The following RANBP2 variants were observed in gnomAD, a reference collection of about 807,000 sequenced individuals.
RANBP2 encodes RAN binding protein 2.
RANBP2 carries 57 observed loss-of-function variants against 303.6 expected under a neutral mutation model. The ratio of observed to expected loss-of-function variants is 0.19; its 90% CI spans 0.15 to 0.23. The LOEUF (loss-of-function observed/expected upper bound fraction) is 0.23, where lower values mean the gene tolerates loss of function less well. Ranked by LOEUF, RANBP2 falls within the 10% of genes least tolerant of loss-of-function variation. The probability of loss-of-function intolerance (pLI) is 1.00; values close to 1 mark genes in which losing one functional copy is unlikely to be tolerated. For missense variants in RANBP2, 3,138 were observed against 3,780.8 expected, an observed-to-expected ratio of 0.83 and a Z score of 4.46; for synonymous variants, 1,167 against 1,301.5, an observed-to-expected ratio of 0.90 and a Z score of 2.23.
chr2:108,788,504 T>TC (rs1471835342), downstream of RANBP2, among the ~76,000 whole-genome samples: 2 of 151,316 alleles, frequency 1.3e-5, no homozygotes, highest in African/African-American at 4.9e-5. Flanking sequence ...GATCACGAGG[T>TC]CAGGAGATGG....
the RANBP2 span, among the ~76,000 whole-genome samples, chr2:109,496,233 G>A: frequency 4.4e-4 from 67 of 152,100 alleles, no homozygotes; most frequent in African/African-American, 1.4e-3. Context: ...TGATTGGCGC[G>A]TTTTACAGAG....
At chr2:109,246,264 G>A in the RANBP2 span, among the ~76,000 whole-genome samples, 2 of 152,174 alleles carry the variant, frequency 1.3e-5, no homozygotes, top group African/African-American at 2.4e-5. Context: ...GACGCTGGTC[G>A]TCCAAGATCA....
the RANBP2 span, among the ~76,000 whole-genome samples, chr2:109,511,786 C>G: frequency 5.9e-5 from 9 of 152,172 alleles, no homozygotes; most frequent in Non-Finnish European, 1.0e-4. Flanking sequence ...ATTTTCATGG[C>G]TGCTGCCCCA....
At chr2:109,373,073 G>T in the RANBP2 span, among the ~76,000 whole-genome samples, 1,863 of 152,218 alleles carry the variant, frequency 0.012, 38 homozygotes, top group African/African-American at 0.037. Context: ...TAGTTTGAAT[G>T]TGCTGCCCAG....
At chr2:109,129,758 G>A in the RANBP2 span, 2 of 1,539,532 alleles carry the variant, frequency 1.3e-6, no homozygotes, top group Non-Finnish European at 1.7e-6. Flanking sequence ...GTGCTGCCAT[G>A]CCAACACACT....
the RANBP2 span, among the ~76,000 whole-genome samples, chr2:109,700,478 G>A: frequency 6.6e-6 from 1 of 152,128 alleles, no homozygotes; most frequent in African/African-American, 2.4e-5. Flanking sequence ...AAGGAAGCGG[G>A]GAGGGCGCTT....
the RANBP2 span, chr2:109,129,491 C>A: frequency 2.7e-6 from 4 of 1,494,492 alleles, no homozygotes; most frequent in Non-Finnish European, 3.5e-6. Flanking sequence ...GGCTCCACGC[C>A]GGCCCCGGGA....
chr2:108,956,764 G>T, the RANBP2 span, among the ~76,000 whole-genome samples: 2 of 150,326 alleles, frequency 1.3e-5, no homozygotes, highest in Non-Finnish European at 2.9e-5. Context: ...TTGAAGCTCA[G>T]CAGGAAAGGC....
At chr2:108,895,656 A>G in the RANBP2 span, 1 of 152,218 alleles carries the variant, frequency 6.6e-6, no homozygotes, top group Non-Finnish European at 1.5e-5. Context: ...TGCTCACCTG[A>G]ACCCTACCTG....
the RANBP2 span, among the ~76,000 whole-genome samples, chr2:109,478,639 G>A: frequency 1.3e-5 from 2 of 152,150 alleles, no homozygotes; most frequent in Admixed American, 6.5e-5. Flanking sequence ...GTTGGAATGC[G>A]CTTTCATTTT....
At chr2:108,853,819 A>C in the RANBP2 span, among the ~76,000 whole-genome samples, 1 of 139,516 alleles carries the variant, frequency 7.2e-6, no homozygotes, top group South Asian at 2.1e-4. Flanking sequence ...AGCCATCCCC[A>C]GCCAACTGTC....
chr2:109,536,900 T>A, the RANBP2 span, among the ~76,000 whole-genome samples: 230 of 152,330 alleles, frequency 1.5e-3, 3 homozygotes, highest in Non-Finnish European at 4.6e-4. Flanking sequence ...CCTGCTGTCA[T>A]CCATGTAAGA....
chr2:109,371,820 T>C, the RANBP2 span: 2 of 734,774 alleles, frequency 2.7e-6, no homozygotes, highest in East Asian at 5.4e-5. Context: ...AGAGAGCTGC[T>C]ATGTGTGGGC....
At chr2:109,185,958 A>G in the RANBP2 span, among the ~76,000 whole-genome samples, 1 of 152,208 alleles carries the variant, frequency 6.6e-6, no homozygotes, top group African/African-American at 2.4e-5. Flanking sequence ...GTGCTTGGCC[A>G]GCAGAGGCCT....
chr2:108,761,604 G>A (rs1020144164), intron 18 of RANBP2, among the ~76,000 whole-genome samples: 10 of 152,040 alleles, frequency 6.6e-5, no homozygotes, highest in Admixed American at 4.6e-4. Flanking sequence ...TGTTATTTAT[G>A]ACATCCTGTC....
At chr2:109,573,299 A>C in the RANBP2 span, among the ~76,000 whole-genome samples, 1 of 152,208 alleles carries the variant, frequency 6.6e-6, no homozygotes, top group Non-Finnish European at 1.5e-5. Context: ...CTCCACTGAC[A>C]CCAGCTTCTA....
At chr2:109,654,322 A>T in the RANBP2 span, among the ~76,000 whole-genome samples, 1 of 152,052 alleles carries the variant, frequency 6.6e-6, no homozygotes, top group South Asian at 2.1e-4. Flanking sequence ...TTTGGGGTCT[A>T]GTCCTCTGCT....
intron 6 of RANBP2, among the ~76,000 whole-genome samples, chr2:108,739,483 G>T (rs1452989667): frequency 1.3e-5 from 2 of 152,086 alleles, no homozygotes; most frequent in African/African-American, 4.8e-5. Flanking sequence ...TGGTATTATC[G>T]TAAAAGTAAT....
the RANBP2 span, among the ~76,000 whole-genome samples, chr2:108,919,842 G>A: frequency 6.6e-6 from 1 of 152,158 alleles, no homozygotes; most frequent in Non-Finnish European, 1.5e-5. Flanking sequence ...AGTGGCTCCC[G>A]GCACCCTGAG....
Sources: gnomAD v4.1 joint callset for allele counts (sites outside exome capture counted in the v4.1 genomes callset) on GRCh38, gnomAD v4.1.1 for gene constraint, MANE v1.5 for transcripts, NCBI Gene and HGNC (gene_info 2026-07-23, HGNC 2026-07-21) for gene names.